Variants in PSMG4 observed in about 807,000 individuals in gnomAD.
The protein encoded by PSMG4 is proteasome assembly chaperone 4, also known as proteasome (prosome, macropain) assembly chaperone 4.
In PSMG4, 10 loss-of-function variants were observed where a neutral mutation model predicts 11.0. The observed-to-expected ratio is 0.91, with a 90% confidence interval of 0.56 to 1.54. The LOEUF is 1.54. Among genes scored for constraint, PSMG4 ranks in the 40% most tolerant of loss-of-function variants. The pLI is 0.00. For synonymous variants in PSMG4, 95 were observed against 71.3 expected, an observed-to-expected ratio of 1.33 and a Z score of -1.68; for missense variants, 198 against 160.9, an observed-to-expected ratio of 1.23 and a Z score of -1.25.
At chr6:3,259,356 G>A (rs1660624731) in intron 1 of PSMG4, among the ~76,000 whole-genome samples, 160 bp downstream of exon 1, 1 of 152,182 alleles carries the variant, frequency 6.6e-6, no homozygotes, top group Non-Finnish European at 1.5e-5. Flanking sequence ...CGGGCGCCAG[G>A]GCCTGCACCA....
chr6:3,263,986 C>G, intron 2 of PSMG4: 1 of 1,308,880 alleles, frequency 7.6e-7, no homozygotes, highest in Non-Finnish European at 1.0e-6. Flanking sequence ...CAAAGGACTC[C>G]CACCTCGTCC....
At chr6:3,254,766 C>G (rs753732162), upstream of PSMG4, among the ~76,000 whole-genome samples, 1 of 152,210 alleles carries the variant, frequency 6.6e-6, no homozygotes, top group Non-Finnish European at 1.5e-5. Context: ...CTGTAATGCT[C>G]ACCTGTAGGG....
chr6:3,255,497 G>T (rs1400128334), upstream of PSMG4, among the ~76,000 whole-genome samples: 1 of 152,062 alleles, frequency 6.6e-6, no homozygotes, highest in Non-Finnish European at 1.5e-5. Context: ...TACCTAAACT[G>T]CCTGGCCAGG....
Position 3,267,801 on chromosome 6 carries a change from T to C in PSMG4, c.*89T>C. 1.5e-6 allele frequency: 2 copies of C among 1,367,722 alleles called. No homozygotes were observed. Among genetic ancestry groups the C allele is most frequent in the Non-Finnish European group, 1.0e-6 (1 of 1,002,608 alleles). 84.7% of individuals were successfully genotyped at this position (1,367,722 alleles called of 1,614,324 possible). On this transcript the variant is annotated 3_prime_UTR_variant, in exon 3 of 3. Coordinates refer to ENST00000438998, the MANE Select transcript of PSMG4 (RefSeq NM_001128591.2). ...ATTTCAGTTTGTCATCAGGCCGCGCTCCCGTTTTGTTTTTAAGGGGTTAAT... is the reference window on the plus strand; with the variant it reads ...ATTTCAGTTTGTCATCAGGCCGCGCCCCCGTTTTGTTTTTAAGGGGTTAAT...
At chr6:3,262,068 T>G (rs1758011575) in intron 1 of PSMG4, among the ~76,000 whole-genome samples, 1 of 152,188 alleles carries the variant, frequency 6.6e-6, no homozygotes, top group Admixed American at 6.5e-5. Context: ...CAGGGATTTT[T>G]GGTGCCCAGA....
At chr6:3,258,858 C>G, upstream of PSMG4, 2 of 620,654 alleles carry the variant, frequency 3.2e-6, no homozygotes, top group Non-Finnish European at 4.6e-6. Context: ...GCCCCCAACC[C>G]AAGCCCGGGA....
upstream of PSMG4, among the ~76,000 whole-genome samples, chr6:3,256,681 C>T (rs948698702): frequency 2.0e-5 from 3 of 152,332 alleles, 1 homozygote; most frequent in Admixed American, 1.3e-4. Flanking sequence ...GTGAATACCG[C>T]CCTTGCAGTA....
intron 2 of PSMG4, chr6:3,264,606 A>AG (rs1758115395): frequency 6.3e-6 from 2 of 317,170 alleles, no homozygotes; most frequent in South Asian, 9.2e-5. Context: ...GTATGTGGAT[A>AG]GGACAGAGGT....
At chr6:3,265,126 T>C (rs899612022) in intron 2 of PSMG4, 1 of 151,976 alleles carries the variant, frequency 6.6e-6, no homozygotes, top group Admixed American at 6.6e-5. Flanking sequence ...AAAAGAGGGG[T>C]TCTCAGTATC....
intron 1 of PSMG4, among the ~76,000 whole-genome samples, chr6:3,262,696 C>T (rs1438271241): frequency 6.6e-6 from 1 of 152,138 alleles, no homozygotes; most frequent in Non-Finnish European, 1.5e-5. Flanking sequence ...AAAAACCTTG[C>T]CACTTTCCAA....
upstream of PSMG4, among the ~76,000 whole-genome samples, chr6:3,254,535 T>A (rs4997137): frequency 2.8e-4 from 42 of 151,594 alleles, no homozygotes; most frequent in South Asian, 6.3e-3. Flanking sequence ...AACAATTATC[T>A]GGAAGGTGTG....
At chr6:3,254,831 G>A (rs1416226100), upstream of PSMG4, among the ~76,000 whole-genome samples, 5 of 152,206 alleles carry the variant, frequency 3.3e-5, no homozygotes, top group Non-Finnish European at 5.9e-5. Flanking sequence ...GACACAGTGG[G>A]ACCTTAGAAA....
upstream of PSMG4, among the ~76,000 whole-genome samples, chr6:3,254,893 TA>T: frequency 6.6e-6 from 1 of 150,544 alleles, no homozygotes; most frequent in Non-Finnish European, 1.5e-5. Flanking sequence ...TCCGACCTTG[TA>T]AGTGAATGAT....
chr6:3,254,752 A>G (rs113689054), upstream of PSMG4, among the ~76,000 whole-genome samples: 606 of 152,326 alleles, frequency 4.0e-3, 11 homozygotes, highest in Admixed American at 0.023. Flanking sequence ...GCCTCTTTTA[A>G]AAACTGTAAT....
At chr6:3,261,917 A>C (rs1044128253) in intron 1 of PSMG4, among the ~76,000 whole-genome samples, 1 of 152,202 alleles carries the variant, frequency 6.6e-6, no homozygotes, top group Non-Finnish European at 1.5e-5. Flanking sequence ...GGTCCCTCTC[A>C]GGAATTTTGC....
intron 1 of PSMG4, among the ~76,000 whole-genome samples, chr6:3,260,799 C>G (rs1441148861): frequency 6.6e-6 from 1 of 152,196 alleles, no homozygotes; most frequent in Non-Finnish European, 1.5e-5. Context: ...AGTTTTAAGA[C>G]TGAAGTTGGA....
chr6:3,258,789 G>A (rs1757847854), upstream of PSMG4: 1 of 377,872 alleles, frequency 2.6e-6, no homozygotes, highest in East Asian at 3.9e-5. Flanking sequence ...GGAGAGGCCA[G>A]CAAGACAACC....
At chr6:3,254,964 C>T (rs538596386), upstream of PSMG4, 19 of 1,413,780 alleles carry the variant, frequency 1.3e-5, no homozygotes, top group South Asian at 2.1e-4. Flanking sequence ...TGTTGCAGAG[C>T]ATGTGATGTG....
intron 1 of PSMG4, among the ~76,000 whole-genome samples, chr6:3,263,440 C>G (rs907341022): frequency 3.3e-5 from 5 of 152,228 alleles, no homozygotes; most frequent in Non-Finnish European, 5.9e-5. Context: ...GAAACTGGTC[C>G]TAGAACTTAG....
Sources: gnomAD v4.1 joint callset for allele counts (sites outside exome capture counted in the v4.1 genomes callset) on GRCh38, gnomAD v4.1.1 for gene constraint, MANE v1.5 for transcripts, NCBI Gene and HGNC (gene_info 2026-07-23, HGNC 2026-07-21) for gene names.